The following CNBD1 variants were observed in gnomAD, a reference collection of about 807,000 sequenced individuals.
CNBD1 encodes cyclic nucleotide binding domain containing 1, also known as cyclic nucleotide-binding domain-containing protein 1.
In CNBD1, 71 loss-of-function variants were observed where a neutral mutation model predicts 54.4. The ratio of observed to expected loss-of-function variants is 1.30; its 90% CI spans 1.08 to 1.59. The LOEUF is 1.59. CNBD1 is among the 40% of genes most tolerant of loss of function. The pLI is 0.00. For missense variants in CNBD1, 659 were observed against 518.0 expected (o/e 1.27, Z -2.64); for synonymous variants, 182 against 170.7 (o/e 1.07, Z -0.51).
chr8:87,111,741 A>G (rs747890454), intron 4 of CNBD1, among the ~76,000 whole-genome samples: 1 of 152,148 alleles, frequency 6.6e-6, no homozygotes, highest in Non-Finnish European at 1.5e-5. Flanking sequence ...TAGGAACACC[A>G]TAGTCTATGA....
intron 2 of CNBD1, among the ~76,000 whole-genome samples, chr8:86,903,924 C>T (rs901609104): frequency 2.0e-5 from 3 of 150,856 alleles, no homozygotes; most frequent in African/African-American, 4.9e-5. Flanking sequence ...TAAAAAGATT[C>T]GATGCTTGGT....
At chr8:87,224,798 A>T (rs1229831128) in intron 5 of CNBD1, among the ~76,000 whole-genome samples, 2 of 150,722 alleles carry the variant, frequency 1.3e-5, no homozygotes, top group Non-Finnish European at 2.9e-5. Flanking sequence ...TGGTAGCTTG[A>T]TGGGGATGGC....
intron 8 of CNBD1, among the ~76,000 whole-genome samples, chr8:87,308,422 G>T (rs191894716): frequency 1.3e-5 from 2 of 152,056 alleles, no homozygotes; most frequent in Non-Finnish European, 2.9e-5. Context: ...TTTGAGCTTG[G>T]ATATGCTTTG....
chr8:87,099,948 C>A (rs549200883), intron 4 of CNBD1, among the ~76,000 whole-genome samples: 107 of 152,052 alleles, frequency 7.0e-4, no homozygotes, highest in Non-Finnish European at 1.4e-3. Flanking sequence ...AAGTGGCAAA[C>A]CCTATTTGTG....
At chr8:87,219,130 A>T (rs1357102631) in intron 5 of CNBD1, among the ~76,000 whole-genome samples, 1 of 152,088 alleles carries the variant, frequency 6.6e-6, no homozygotes, top group African/African-American at 2.4e-5. Flanking sequence ...CTTCAAATTG[A>T]TACATGAGGC....
At chr8:87,237,883 A>G (rs1458200630) in intron 6 of CNBD1, among the ~76,000 whole-genome samples, 1 of 152,174 alleles carries the variant, frequency 6.6e-6, no homozygotes, top group African/African-American at 2.4e-5. Context: ...GAACAAGCCT[A>G]TAAAAGTATA....
Position 86,870,397 on chromosome 8 carries a change from C to T in CNBD1, c.88+3814C>T, listed in dbSNP as rs188280616. On this transcript the variant is annotated intron_variant, in intron 1 of 10. Coordinates refer to ENST00000518476, the MANE Select transcript of CNBD1 (RefSeq NM_173538.3). ...TTTTTTTAGTAGAGACGGGCTTTCA[C>T]CGTGTTGGCCAGAATGGTCTCGATC... 1.1e-4 allele frequency among the ~76,000 whole-genome samples: 16 copies of T among 151,818 alleles called. No individual in the cohort carries two copies. The East Asian group carries it at 2.5e-3, about 24-fold the overall frequency.
intron 6 of CNBD1, among the ~76,000 whole-genome samples, chr8:87,265,722 A>T (rs1808242120): frequency 6.6e-6 from 1 of 152,076 alleles, no homozygotes; most frequent in Non-Finnish European, 1.5e-5. Flanking sequence ...TATATCATTT[A>T]TGACTGCTTT....
At chr8:87,332,885 A>C (rs985811919) in intron 8 of CNBD1, among the ~76,000 whole-genome samples, 1 of 152,158 alleles carries the variant, frequency 6.6e-6, no homozygotes, top group Non-Finnish European at 1.5e-5. Flanking sequence ...TGAATTTTAA[A>C]GTAGTTTTTT....
At chr8:87,346,954 A>G (rs1318201629) in intron 8 of CNBD1, among the ~76,000 whole-genome samples, 1 of 152,006 alleles carries the variant, frequency 6.6e-6, no homozygotes, top group Non-Finnish European at 1.5e-5. Context: ...TTGTTTTTTC[A>G]TTTAATTCAG....
intron 4 of CNBD1, among the ~76,000 whole-genome samples, chr8:86,957,960 C>T (rs1032585928): frequency 3.0e-4 from 45 of 151,960 alleles, no homozygotes; most frequent in Admixed American, 1.8e-3. Context: ...TTCTCTTGTG[C>T]GCATTTAGTG....
At chr8:87,073,283 C>T (rs1163078651) in intron 4 of CNBD1, among the ~76,000 whole-genome samples, 3 of 151,986 alleles carry the variant, frequency 2.0e-5, no homozygotes, top group South Asian at 4.2e-4. Flanking sequence ...TATTACTCAC[C>T]TTGTGAAGCC....
Position 87,064,476 on chromosome 8 carries a change from T to C in CNBD1, c.431+124722T>C, listed in dbSNP as rs1810609455. Among the ~76,000 whole-genome samples, 3 of 151,998 alleles carry C rather than the reference T, an allele frequency of 2.0e-5. No homozygotes were observed. In the South Asian group the frequency reaches 6.2e-4, roughly 31 times the overall value. On this transcript the variant is annotated intron_variant, in intron 4 of 10. Transcript: ENST00000518476. ...GGGGCTTAGAACACATTAAATCCAC[T>C]GTCTTCTTTGTTGAATTACATGTTA...
chr8:87,371,186 G>A (rs531426297), intron 10 of CNBD1, among the ~76,000 whole-genome samples: 1 of 151,820 alleles, frequency 6.6e-6, no homozygotes, highest in Non-Finnish European at 1.5e-5. Context: ...TGTTCTTTCG[G>A]CTTAGGATTG....
chr8:87,138,114 G>A (rs964240529), intron 4 of CNBD1, among the ~76,000 whole-genome samples: 56 of 152,200 alleles, frequency 3.7e-4, no homozygotes, highest in African/African-American at 1.3e-3. Flanking sequence ...ATGAGGAAAG[G>A]CACAAAAGTC....
intron 4 of CNBD1, among the ~76,000 whole-genome samples, chr8:86,985,051 A>G (rs1314247221): frequency 1.3e-5 from 2 of 152,110 alleles, no homozygotes; most frequent in Non-Finnish European, 2.9e-5. Context: ...AGGTAATTGA[A>G]TCATGGGGGC....
At chr8:86,879,826 T>G in intron 1 of CNBD1, among the ~76,000 whole-genome samples, 1 of 151,830 alleles carries the variant, frequency 6.6e-6, no homozygotes, top group East Asian at 1.9e-4. Context: ...GAGCCGAGAT[T>G]GTGCCACTGC....
intron 2 of CNBD1, among the ~76,000 whole-genome samples, chr8:87,421,136 G>T (rs948585517): frequency 6.6e-6 from 1 of 151,992 alleles, no homozygotes; most frequent in African/African-American, 2.4e-5. Context: ...TTCCAACAGT[G>T]TACTGGGAGC....
chr8:87,229,844 T>C (rs1345774994), intron 5 of CNBD1, among the ~76,000 whole-genome samples: 1 of 152,238 alleles, frequency 6.6e-6, no homozygotes, highest in African/African-American at 2.4e-5. Context: ...TTTATGAATA[T>C]GCCAACTATG....
Sources: gnomAD v4.1 joint callset for allele counts (sites outside exome capture counted in the v4.1 genomes callset) on GRCh38, gnomAD v4.1.1 for gene constraint, MANE v1.5 for transcripts, NCBI Gene and HGNC (gene_info 2026-07-23, HGNC 2026-07-21) for gene names.